PIK3R4: variants seen among roughly 807,000 people sequenced by gnomAD.
PIK3R4 encodes phosphoinositide-3-kinase regulatory subunit 4, also known as phosphoinositide 3-kinase regulatory subunit 4.
Under a neutral mutation model 136.5 loss-of-function variants are expected in PIK3R4, and 46 were observed. The observed-to-expected ratio is 0.34, with a 90% CI of 0.27 to 0.43. The LOEUF (loss-of-function observed/expected upper bound fraction) is 0.43, where lower values mean the gene tolerates loss of function less well. Ranked by LOEUF, PIK3R4 falls within the 20% of genes least tolerant of loss-of-function variation. PIK3R4 has a pLI of 1.00. For synonymous variants in PIK3R4, 557 were observed against 566.7 expected (o/e 0.98, Z 0.24); for missense variants, 1,331 against 1,649.5 (o/e 0.81, Z 3.35).
At position 130,723,473 on chromosome 3, in the gene PIK3R4, C is replaced by G. The variant is rs1425897991; in HGVS notation, c.1922G>C (p.Cys641Ser). 1.2e-6 allele frequency: 2 copies of G among 1,613,544 alleles called. No homozygotes were observed. The highest frequency in any genetic ancestry group is 1.7e-6 in the Non-Finnish European group (2 of 1,179,798). Reference protein sequence around the residue: ...VIVKALYALTCMCQLGLLQKP... With the variant: ...VIVKALYALTSMCQLGLLQKP... ...TTGTAGCAGTCCTAACTGGCACATA[C>G]AAGTAAGGGCATAAAGAGCTTTCAC... Residue 641 changes from cysteine to serine, a missense_variant, in exon 7 of 20, where the codon TGT (cysteine) becomes TCT (serine). Coordinates refer to ENST00000356763, the MANE Select transcript of PIK3R4 (RefSeq NM_014602.3).
chr3:130,736,303 T>C (rs944354341), intron 2 of PIK3R4, among the ~76,000 whole-genome samples: 2 of 152,194 alleles, frequency 1.3e-5, no homozygotes, highest in African/African-American at 4.8e-5. Context: ...ATGTGGTGGC[T>C]CACACCTGTA....
intron 7 of PIK3R4, among the ~76,000 whole-genome samples, chr3:130,721,336 C>CAAAAAAA (rs573651423): frequency 1.3e-5 from 1 of 76,254 alleles, no homozygotes. Flanking sequence ...GACTCCGTCT[C>CAAAAAAA]AAAAAAAAAA....
chr3:130,699,533 C>T (rs866454842), intron 13 of PIK3R4, among the ~76,000 whole-genome samples: 7 of 152,126 alleles, frequency 4.6e-5, no homozygotes, highest in South Asian at 2.1e-4. Context: ...AAGTTAAGGA[C>T]GACATGGCTC....
Position 130,718,480 on chromosome 3 carries a change from A to G in PIK3R4, c.2036T>C (p.Ile679Thr). Residue 679 changes from isoleucine to threonine, a missense_variant, in exon 8 of 20, where the codon ATC (isoleucine) becomes ACC (threonine). By Grantham distance (89) the Ile-to-Thr change is moderately conservative. Around this residue, in one of 2 missense-constraint regions of PIK3R4, gnomAD observed 1,180 missense variants for 1,407.0 expected, o/e 0.84. Coordinates refer to ENST00000356763, the MANE Select transcript of PIK3R4 (RefSeq NM_014602.3). ...LWIRYGAVGF[I>T]TVVARQISTA... is the part of the protein sequence containing the mutation. ...ACTTATTTGACGAGCTACCACTGTG[A>G]TAAATCCCACGGCACCATAACGTAT... 1 of 1,614,018 alleles carries G rather than the reference A, an allele frequency of 6.2e-7. No individual in the cohort carries two copies. The highest frequency in any genetic ancestry group is 8.5e-7 in the Non-Finnish European group (1 of 1,179,890).
rs371832458 is a variant in PIK3R4 at position 130,733,919 on chromosome 3, T to C, written c.1079A>G (p.His360Arg). 1.2e-6 allele frequency: 2 copies of C among 1,614,046 alleles called. No individual in the cohort carries two copies. The highest frequency in any genetic ancestry group is 1.3e-5 in the African/African-American group (1 of 74,924). ...TCCTTCGGCTTTTTCTGGCAGATCA[T>C]GTCCACAGAGATTGTGAATAATGTT... The part of the protein sequence containing the change: ...LGNIIHNLCG[H>R]DLPEKAEGEP... The change falls in exon 4 of 20, where the codon CAT becomes CGT. Residue 360 changes from histidine (H) to arginine (R), a missense_variant. His to Arg is a conservative substitution (Grantham distance 29, BLOSUM62 0). Transcript: ENST00000356763.
Position 130,679,488 on chromosome 3 carries a change from G to GTT in PIK3R4, c.3907-5_3907-4dup, listed in dbSNP as rs1292714651. On this transcript the variant is annotated splice_region_variant and splice_polypyrimidine_tract_variant and intron_variant, in intron 19 of 19. Transcript: ENST00000356763. ...ACTTTCTGCTTATTCTGAATTTCCT[G>GTT]TTTGGTGATTAAAAGGGAGCAAGCC... The GTT allele has an allele frequency of 1.2e-6, 2 of 1,606,582 alleles. No homozygotes were observed. The highest frequency in any genetic ancestry group is 3.4e-5 in the Admixed American group (2 of 59,478).
At chr3:130,707,767 A>T (rs1295480594) in intron 10 of PIK3R4, among the ~76,000 whole-genome samples, 1 of 152,248 alleles carries the variant, frequency 6.6e-6, no homozygotes, top group Non-Finnish European at 1.5e-5. Flanking sequence ...AAAAAACTTC[A>T]TATAATCAAT....
intron 13 of PIK3R4, among the ~76,000 whole-genome samples, chr3:130,700,130 CCT>C (rs1206593762): frequency 6.6e-6 from 1 of 152,044 alleles, no homozygotes; most frequent in African/African-American, 2.4e-5. Context: ...CTTTCTTGCC[CCT>C]CTCTTCCTGT....
At chr3:130,701,971 T>TA (rs74341380) in intron 13 of PIK3R4, among the ~76,000 whole-genome samples, 21 of 148,360 alleles carry the variant, frequency 1.4e-4, no homozygotes, top group African/African-American at 2.7e-4. Context: ...ATTTCTCAAG[T>TA]AAAAAAAAAA....
At chr3:130,709,929 T>C (rs914493544) in intron 9 of PIK3R4, among the ~76,000 whole-genome samples, 4 of 152,188 alleles carry the variant, frequency 2.6e-5, no homozygotes, top group Admixed American at 6.5e-5. Flanking sequence ...GAAAATGTTC[T>C]GGAATTTAAC....
At chr3:130,727,990 C>G (rs576573406) in intron 6 of PIK3R4, among the ~76,000 whole-genome samples, 7 of 152,014 alleles carry the variant, frequency 4.6e-5, no homozygotes, top group Non-Finnish European at 8.8e-5. Context: ...TTACACAAAG[C>G]CTTTAACTTA....
chr3:130,685,240 T>G (rs2066482908), intron 15 of PIK3R4, among the ~76,000 whole-genome samples: 1 of 152,140 alleles, frequency 6.6e-6, no homozygotes, highest in Non-Finnish European at 1.5e-5. Context: ...TATAATACAG[T>G]GTATATTTCA....
intron 13 of PIK3R4, among the ~76,000 whole-genome samples, chr3:130,701,304 G>C (rs1438370573): frequency 1.3e-5 from 2 of 152,130 alleles, no homozygotes; most frequent in Non-Finnish European, 2.9e-5. Flanking sequence ...TTGAGGTCAG[G>C]AGTTCAAGAC....
At chr3:130,723,638 A>G (rs2066716105) in intron 6 of PIK3R4, 51 bp from the exon 7 acceptor site, 1 of 1,481,226 alleles carries the variant, frequency 6.8e-7, no homozygotes, top group East Asian at 2.3e-5. Flanking sequence ...AAAAGTACAT[A>G]TATCATTAAG....
intron 13 of PIK3R4, among the ~76,000 whole-genome samples, chr3:130,694,846 T>G (rs2066537372): frequency 6.6e-6 from 1 of 152,122 alleles, no homozygotes; most frequent in African/African-American, 2.4e-5. Flanking sequence ...GTGGACATTC[T>G]TGTCTAACTC....
intron 7 of PIK3R4, 130 bp from the exon 8 acceptor site, chr3:130,718,664 C>T (rs1576459056): frequency 2.9e-6 from 2 of 697,402 alleles, no homozygotes; most frequent in East Asian, 2.7e-5. Context: ...CCTTCACATA[C>T]TCAATTACCC....
In PIK3R4 at chr3:130,733,819, A is replaced by G; in HGVS notation, c.1179T>C (p.Asp393=). The G allele has an allele frequency of 6.2e-7, 1 of 1,614,200 alleles. No homozygotes were observed. The highest frequency in any genetic ancestry group is 8.5e-7 in the Non-Finnish European group (1 of 1,180,008). ...TCAGTTCCAAAGCAGCTAGTTTGGA[A>G]TCACAGTATTTAAGGGTCTGTAGGC... The part of the protein sequence containing the change: ...TSCLQTLKYC[D]SKLAALELIL... Residue 393 remains aspartate (D), a synonymous_variant, in exon 4 of 20, where the codon GAT becomes GAC. Transcript: ENST00000356763.
intron 16 of PIK3R4, 90 bp downstream of exon 16, chr3:130,684,160 A>C (rs1009364099): frequency 2.5e-6 from 3 of 1,210,316 alleles, no homozygotes; most frequent in Non-Finnish European, 3.6e-6. Flanking sequence ...CATATGTAAA[A>C]TAAAACTAAA....
chr3:130,697,163 G>A (rs538864271), intron 13 of PIK3R4, among the ~76,000 whole-genome samples: 43 of 128,800 alleles, frequency 3.3e-4, no homozygotes, highest in African/African-American at 1.1e-3. Flanking sequence ...CCCACCTCCC[G>A]GGTTCAAGCA....
Sources: gnomAD v4.1 joint callset for allele counts (sites outside exome capture counted in the v4.1 genomes callset) on GRCh38, gnomAD v4.1.1 for gene constraint, gnomAD v4.1.1 regional missense constraint, MANE v1.5 for transcripts, NCBI Gene and HGNC (gene_info 2026-07-23, HGNC 2026-07-21) for gene names.